COX10: variants seen among roughly 807,000 people sequenced by gnomAD.
COX10 encodes the protein cytochrome c oxidase assembly factor heme A:farnesyltransferase COX10, also known as protoheme IX farnesyltransferase, mitochondrial.
In COX10, 27 loss-of-function variants were observed where a neutral mutation model predicts 37.3. That is an observed-to-expected ratio of 0.72 (90% CI 0.53 to 1.00). The LOEUF (loss-of-function observed/expected upper bound fraction) is 1.00. Ranked by LOEUF, COX10 falls within the 50% of genes least tolerant of loss-of-function variation. The pLI, the probability that COX10 is intolerant of heterozygous loss-of-function variation, is 0.00. For missense variants in COX10, 475 were observed against 563.2 expected, an observed-to-expected ratio of 0.84 and a Z score of 1.59; for synonymous variants, 222 against 229.1, an observed-to-expected ratio of 0.97 and a Z score of 0.28.
chr17:14,203,442 C>T (rs555575832), intron 6 of COX10, among the ~76,000 whole-genome samples: 4 of 152,152 alleles, frequency 2.6e-5, no homozygotes, highest in Non-Finnish European at 5.9e-5. Flanking sequence ...CTTAAACCAT[C>T]TGTACCCACA....
At chr17:14,080,215 C>CTTTCTTT (rs1915257452) in intron 3 of COX10, among the ~76,000 whole-genome samples, 1 of 136,596 alleles carries the variant, frequency 7.3e-6, no homozygotes, top group Non-Finnish European at 1.6e-5. Flanking sequence ...GGGAATTAGA[C>CTTTCTTT]TTTCTTTTTT....
At chr17:14,115,910 G>A (rs1340540666) in intron 4 of COX10, among the ~76,000 whole-genome samples, 2 of 152,126 alleles carry the variant, frequency 1.3e-5, no homozygotes, top group African/African-American at 4.8e-5. Flanking sequence ...ATGAGAAACT[G>A]GAACAATGTA....
At chr17:14,196,602 C>T (rs1906373555) in intron 6 of COX10, among the ~76,000 whole-genome samples, 1 of 152,176 alleles carries the variant, frequency 6.6e-6, no homozygotes, top group African/African-American at 2.4e-5. Flanking sequence ...AGCATAACAG[C>T]AGGGTCATAC....
chr17:14,166,006 G>A (rs1905272692), intron 5 of COX10, among the ~76,000 whole-genome samples: 1 of 152,230 alleles, frequency 6.6e-6, no homozygotes, highest in Admixed American at 6.5e-5. Flanking sequence ...AGCTGACAGG[G>A]ATTGGTTCAT....
At chr17:14,132,607 T>C (rs1916491669) in intron 4 of COX10, among the ~76,000 whole-genome samples, 1 of 151,752 alleles carries the variant, frequency 6.6e-6, no homozygotes, top group Non-Finnish European at 1.5e-5. Context: ...CTTACAAATA[T>C]ATTGTTCTAC....
intron 5 of COX10, among the ~76,000 whole-genome samples, chr17:14,183,850 GTGTT>G (rs2142257742): frequency 6.6e-6 from 1 of 152,266 alleles, no homozygotes; most frequent in Non-Finnish European, 1.5e-5. Flanking sequence ...GTAGTTACAT[GTGTT>G]TGTTTAAGGT....
chr17:14,191,211 G>A (rs1441991389), intron 5 of COX10, among the ~76,000 whole-genome samples: 1 of 151,910 alleles, frequency 6.6e-6, no homozygotes, highest in African/African-American at 2.4e-5. Flanking sequence ...TTAGAAGTTG[G>A]CTCTTTTGAG....
Position 14,207,083 on chromosome 17 carries a change from T to A in COX10, c.1202T>A (p.Val401Glu). 1 of 1,614,032 alleles carries A rather than the reference T, an allele frequency of 6.2e-7. No homozygotes were observed. The highest frequency in any genetic ancestry group is 8.5e-7 in the Non-Finnish European group (1 of 1,179,932). ...YISYLGFRFY[V>E]DADRRSSRRL... ...TCCTACCTCGGCTTCCGCTTCTACG[T>A]GGACGCAGACCGCAGGAGCTCGCGG... Residue 401 changes from valine to glutamate, a missense_variant, in exon 7 of 7, where the codon GTG becomes GAG. By Grantham distance (121) the Val-to-Glu change is moderately radical. Transcript: ENST00000261643.
In COX10 at chr17:14,207,510, G is replaced by A. The variant is rs8076247; in HGVS notation, c.*297G>A. 0.27 allele frequency: 98,107 copies of A among 364,098 alleles called. 14,850 individuals are homozygous for A. Among genetic ancestry groups the A allele is most frequent in the Admixed American group, 0.33 (7,607 of 23,296 alleles). The allele number at this position is 364,098 out of a possible 1,614,324, so 22.6% of individuals were successfully genotyped here. ...ATTCTGTTTCTTCCTCCTCACATGGGGGTACACATACACAGCTTCCTCTTT... is the reference window on the plus strand; with the variant it reads ...ATTCTGTTTCTTCCTCCTCACATGGAGGTACACATACACAGCTTCCTCTTT... On this transcript the variant is annotated 3_prime_UTR_variant, in exon 7 of 7. Transcript: ENST00000261643.
intron 4 of COX10, among the ~76,000 whole-genome samples, chr17:14,106,264 G>A (rs957194568): frequency 2.6e-5 from 4 of 151,974 alleles, no homozygotes; most frequent in Admixed American, 2.6e-4. Context: ...TAATCCACCC[G>A]CCTCGGCCTC....
At chr17:14,162,148 C>T (rs1465393002) in intron 5 of COX10, among the ~76,000 whole-genome samples, 1 of 152,146 alleles carries the variant, frequency 6.6e-6, no homozygotes, top group African/African-American at 2.4e-5. Context: ...GCTTTGAAAG[C>T]AGAAAATTGC....
At chr17:14,128,356 A>T (rs764743711) in intron 4 of COX10, among the ~76,000 whole-genome samples, 29 of 152,116 alleles carry the variant, frequency 1.9e-4, no homozygotes, top group Non-Finnish European at 4.1e-4. Context: ...AACAATGCTT[A>T]TTTGACAAGA....
At chr17:14,154,599 G>C (rs1254733769) in intron 4 of COX10, among the ~76,000 whole-genome samples, 3 of 152,174 alleles carry the variant, frequency 2.0e-5, no homozygotes, top group African/African-American at 4.8e-5. Context: ...TTTGAACTTA[G>C]TTTTAAGAGG....
intron 3 of COX10, among the ~76,000 whole-genome samples, chr17:14,088,885 G>T (rs1413369930): frequency 6.6e-6 from 1 of 151,956 alleles, no homozygotes; most frequent in Admixed American, 6.6e-5. Context: ...TTGTATTCTG[G>T]GCAGAAAGAA....
intron 5 of COX10, among the ~76,000 whole-genome samples, chr17:14,181,375 G>A (rs1236038276): frequency 6.6e-6 from 1 of 151,434 alleles, no homozygotes; most frequent in Non-Finnish European, 1.5e-5. Context: ...TGTAAACATG[G>A]TCCCTGGCCA....
At chr17:14,180,872 C>T (rs1456862762) in intron 5 of COX10, among the ~76,000 whole-genome samples, 1 of 151,906 alleles carries the variant, frequency 6.6e-6, no homozygotes, top group Non-Finnish European at 1.5e-5. Context: ...CATACCATAG[C>T]GTTCTCTCTT....
In COX10 at chr17:14,099,969, A is replaced by C. The variant is rs9891208; in HGVS notation, c.500-2149A>C. ...CACCCAAGTGCATGGTAAATGGTAA[A>C]GTGCACTTTTCCATTCATTCTTTTT... On this transcript the variant is annotated intron_variant, in intron 3 of 6. Coordinates refer to ENST00000261643, the MANE Select transcript of COX10 (RefSeq NM_001303.4). Among the ~76,000 whole-genome samples the C allele has an allele frequency of 7.7e-3, 1,165 of 152,188 alleles. 18 individuals are homozygous for C. The highest frequency in any genetic ancestry group is 0.026 in the African/African-American group (1,077 of 41,534).
chr17:14,152,270 G>A (rs1461132223), intron 4 of COX10, among the ~76,000 whole-genome samples: 1 of 152,128 alleles, frequency 6.6e-6, no homozygotes, highest in Non-Finnish European at 1.5e-5. Flanking sequence ...ACATGGCTGG[G>A]GAGGCCTCAC....
intron 6 of COX10, among the ~76,000 whole-genome samples, chr17:14,194,633 G>A (rs1262496291): frequency 1.3e-5 from 2 of 152,078 alleles, no homozygotes; most frequent in Middle Eastern, 3.2e-3. Flanking sequence ...CACCATATTG[G>A]CCAGGATGGT....
Sources: gnomAD v4.1 joint callset for allele counts (sites outside exome capture counted in the v4.1 genomes callset) on GRCh38, gnomAD v4.1.1 for gene constraint, MANE v1.5 for transcripts, NCBI Gene and HGNC (gene_info 2026-07-23, HGNC 2026-07-21) for gene names.